MTSS1: variants seen among roughly 807,000 people sequenced by gnomAD.
MTSS1 encodes MTSS I-BAR domain containing 1, also known as protein MTSS 1.
In MTSS1, 18 loss-of-function variants were observed where a neutral mutation model predicts 79.0. The observed-to-expected ratio is 0.23, with a 90% CI of 0.16 to 0.34. MTSS1 has a LOEUF of 0.34. Ranked by LOEUF, MTSS1 falls within the 10% of genes least tolerant of loss-of-function variation. The pLI is 1.00. For missense variants in MTSS1, 815 were observed against 986.2 expected, an observed-to-expected ratio of 0.83 and a Z score of 2.33; for synonymous variants, 341 against 368.6, an observed-to-expected ratio of 0.93 and a Z score of 0.86.
At chr8:124,675,263 ACAGGAAAACC>A (rs1210141106) in intron 3 of MTSS1, among the ~76,000 whole-genome samples, 2 of 152,202 alleles carry the variant, frequency 1.3e-5, no homozygotes, top group Non-Finnish European at 2.9e-5. Flanking sequence ...TGCATAGAAA[ACAGGAAAACC>A]CAAGAGCCAG....
chr8:124,701,063 T>C (rs1344798406), intron 2 of MTSS1, among the ~76,000 whole-genome samples: 1 of 152,002 alleles, frequency 6.6e-6, no homozygotes, highest in Non-Finnish European at 1.5e-5. Flanking sequence ...CTCCATTCTC[T>C]ACACACAAAA....
At chr8:124,704,746 A>G (rs888215560) in intron 1 of MTSS1, among the ~76,000 whole-genome samples, 4 of 152,236 alleles carry the variant, frequency 2.6e-5, no homozygotes, top group African/African-American at 9.6e-5. Context: ...ACTTCGGCTA[A>G]CAGGGAACTC....
chr8:124,580,581 G>A (rs1349413960), intron 6 of MTSS1: 4 of 1,535,694 alleles, frequency 2.6e-6, no homozygotes, highest in African/African-American at 1.4e-5. Flanking sequence ...GGGGCACACG[G>A]TGAGAAAGTG....
At chr8:124,640,684 C>T (rs1019458927) in intron 3 of MTSS1, among the ~76,000 whole-genome samples, 10 of 152,168 alleles carry the variant, frequency 6.6e-5, no homozygotes, top group African/African-American at 1.4e-4. Flanking sequence ...GCTGGGACTA[C>T]AGGTGCCCGC....
At chr8:124,650,685 G>A (rs1328988189) in intron 3 of MTSS1, among the ~76,000 whole-genome samples, 3 of 152,196 alleles carry the variant, frequency 2.0e-5, no homozygotes, top group African/African-American at 7.2e-5. Flanking sequence ...CTTAGCAGGT[G>A]CGCAGGGCAG....
chr8:124,669,809 G>A (rs1291777540), intron 3 of MTSS1, among the ~76,000 whole-genome samples: 3 of 152,132 alleles, frequency 2.0e-5, no homozygotes, highest in African/African-American at 7.2e-5. Flanking sequence ...GATAGCTACA[G>A]AACACTAGAG....
chr8:124,578,448 G>C (rs1296233662), intron 6 of MTSS1, among the ~76,000 whole-genome samples: 2 of 151,908 alleles, frequency 1.3e-5, no homozygotes, highest in East Asian at 1.9e-4. Context: ...CCTACCCCCA[G>C]GCTTAGTGAG....
rs116105913 is a variant in MTSS1, at chr8:124,678,897, T to C, written c.208+20629A>G. On this transcript the variant is annotated intron_variant, in intron 3 of 13. Transcript: ENST00000518547. The stretch of plus-strand genomic sequence containing the variant: ...TATTTTCAGCAGAAACACACAGGCA[T>C]GCCTAACATGCTCCTTCGACTATAA... Among the ~76,000 whole-genome samples, 329 of 152,352 alleles carry C rather than the reference T, an allele frequency of 2.2e-3. 1 individual carries two copies. The highest frequency in any genetic ancestry group is 6.5e-3 in the African/African-American group (270 of 41,584).
chr8:124,595,269 T>C (rs1353302896), intron 3 of MTSS1, among the ~76,000 whole-genome samples: 1 of 152,262 alleles, frequency 6.6e-6, no homozygotes, highest in Non-Finnish European at 1.5e-5. Context: ...CCTTTGCTGC[T>C]GTAATAAATG....
intron 3 of MTSS1, among the ~76,000 whole-genome samples, chr8:124,642,938 G>A (rs374364903): frequency 1.3e-5 from 2 of 152,304 alleles, no homozygotes; most frequent in South Asian, 2.1e-4. Flanking sequence ...TTTCTCATCT[G>A]TGAAACAGGA....
At chr8:124,575,500 C>T (rs780621182) in intron 6 of MTSS1, among the ~76,000 whole-genome samples, 1 of 152,308 alleles carries the variant, frequency 6.6e-6, no homozygotes, top group East Asian at 1.9e-4. Context: ...TCAGCTGCCA[C>T]CACAGCATCT....
chr8:124,711,957 G>A (rs754288130), intron 1 of MTSS1, among the ~76,000 whole-genome samples: 22 of 150,574 alleles, frequency 1.5e-4, no homozygotes, highest in African/African-American at 5.4e-4. Flanking sequence ...ACAATGAGCC[G>A]AGATCACGCC....
intron 1 of MTSS1, among the ~76,000 whole-genome samples, chr8:124,717,576 G>A (rs1247676877): frequency 6.6e-6 from 1 of 150,588 alleles, no homozygotes; most frequent in East Asian, 1.9e-4. Flanking sequence ...CGGCCTGGGG[G>A]ACAGATACTC....
At chr8:124,655,400 C>T (rs960434022) in intron 3 of MTSS1, among the ~76,000 whole-genome samples, 3 of 152,194 alleles carry the variant, frequency 2.0e-5, no homozygotes, top group Non-Finnish European at 2.9e-5. Context: ...TGGAGGTACA[C>T]GGGGTTCCCA....
intron 8 of MTSS1, chr8:124,566,166 T>A (rs1826380517): frequency 6.3e-6 from 1 of 158,482 alleles, no homozygotes. Context: ...AACCACTTGA[T>A]ATTCAGTGGT....
intron 3 of MTSS1, among the ~76,000 whole-genome samples, chr8:124,631,762 G>C (rs1234504613): frequency 2.6e-5 from 4 of 152,324 alleles, no homozygotes; most frequent in African/African-American, 9.6e-5. Flanking sequence ...CAGCGGGTCT[G>C]ATCCCATTGT....
intron 3 of MTSS1, among the ~76,000 whole-genome samples, chr8:124,654,444 G>A (rs982505378): frequency 2.0e-5 from 3 of 152,096 alleles, no homozygotes; most frequent in Non-Finnish European, 4.4e-5. Flanking sequence ...GCATATTAAC[G>A]AGTTCTATAG....
rs1160590009 is a variant in MTSS1 at position 124,565,874 on chromosome 8, A to G, written c.727-115T>C. 5 of 810,262 alleles carry G rather than the reference A, an allele frequency of 6.2e-6. No homozygotes were observed. The Admixed American group carries it at 1.5e-4, about 25-fold the overall frequency. The allele number at this position is 810,262 out of a possible 1,614,324, so 50.2% of individuals were successfully genotyped here. On this transcript the variant is annotated intron_variant, in intron 8 of 13. Coordinates refer to ENST00000518547, the MANE Select transcript of MTSS1 (RefSeq NM_014751.6). ...CTGCCATCGTGGGGGTGGGAATGAA[A>G]GCAAAACATGTTAAAAAAATTTTTT... is the stretch of plus-strand genomic sequence containing the variant.
intron 3 of MTSS1, among the ~76,000 whole-genome samples, chr8:124,669,480 T>C (rs1461308981): frequency 6.6e-6 from 1 of 152,216 alleles, no homozygotes; most frequent in African/African-American, 2.4e-5. Flanking sequence ...AAACAGTTCC[T>C]TTAGATGAAG....
Sources: gnomAD v4.1 joint callset for allele counts (sites outside exome capture counted in the v4.1 genomes callset) on GRCh38, gnomAD v4.1.1 for gene constraint, MANE v1.5 for transcripts, NCBI Gene and HGNC (gene_info 2026-07-23, HGNC 2026-07-21) for gene names.